RFX4: variants seen among roughly 807,000 people sequenced by gnomAD.
The protein encoded by RFX4 is transcription factor RFX4.
RFX4 carries 10 observed loss-of-function variants against 95.0 expected under a neutral mutation model. That is an observed-to-expected ratio of 0.11 (90% CI 0.06 to 0.18). The LOEUF (loss-of-function observed/expected upper bound fraction) is 0.18, where lower values mean the gene tolerates loss of function less well. RFX4 is among the 10% of genes least tolerant of loss of function. The probability of loss-of-function intolerance (pLI) is 1.00; values close to 1 mark genes in which losing one functional copy is unlikely to be tolerated. For synonymous variants in RFX4, 321 were observed against 340.7 expected, an observed-to-expected ratio of 0.94 and a Z score of 0.64; for missense variants, 640 against 922.0, an observed-to-expected ratio of 0.69 and a Z score of 3.96.
At position 106,707,493 on chromosome 12, in the gene RFX4, A is replaced by G. The variant is rs2042107963; in HGVS notation, c.834-1837A>G. Among the ~76,000 whole-genome samples, 3 of 152,104 alleles carry G rather than the reference A, an allele frequency of 2.0e-5. No homozygotes were observed. In the South Asian group the frequency reaches 6.2e-4, roughly 32 times the overall value. On this transcript the variant is annotated intron_variant, in intron 8 of 17. Transcript: ENST00000392842. ...GGCAGGAGTTTTGTGACTGGGGAGG[A>G]GCAGCAGAAGGAGGGATCACAGAAG...
At chr12:106,709,266 A>C in intron 8 of RFX4, 64 bp from the exon 9 acceptor site, 1 of 1,314,242 alleles carries the variant, frequency 7.6e-7, no homozygotes, top group African/African-American at 1.5e-5. Flanking sequence ...AAAACCCTCT[A>C]GGGGCCTGTG....
intron 4 of RFX4, among the ~76,000 whole-genome samples, chr12:106,670,456 C>T (rs900478595): frequency 6.6e-6 from 1 of 152,176 alleles, no homozygotes; most frequent in African/African-American, 2.4e-5. Flanking sequence ...TATTGCCATC[C>T]GTGGTACCCC....
chr12:106,699,921 C>T (rs910697811), intron 8 of RFX4, among the ~76,000 whole-genome samples: 1 of 151,920 alleles, frequency 6.6e-6, no homozygotes, highest in Admixed American at 6.6e-5. Context: ...CTTCCCTCTT[C>T]CTAGTTGTTT....
chr12:106,691,048 A>C (rs117873558), intron 7 of RFX4, among the ~76,000 whole-genome samples: 1 of 152,340 alleles, frequency 6.6e-6, no homozygotes, highest in Non-Finnish European at 1.5e-5. Flanking sequence ...AGCAACTAGG[A>C]TGCAGAATAT....
chr12:106,753,485 G>A (rs1320755167), intron 17 of RFX4, among the ~76,000 whole-genome samples: 1 of 152,048 alleles, frequency 6.6e-6, no homozygotes, highest in East Asian at 1.9e-4. Flanking sequence ...TGTCTGACGC[G>A]CACGGAGACC....
chr12:106,667,475 G>T (rs368945910), intron 4 of RFX4, among the ~76,000 whole-genome samples: 2 of 152,186 alleles, frequency 1.3e-5, no homozygotes, highest in African/African-American at 2.4e-5. Context: ...GTGGGAACCT[G>T]GTCAAGCTCC....
chr12:106,746,117 G>T (rs2042888698), intron 15 of RFX4, among the ~76,000 whole-genome samples: 1 of 152,038 alleles, frequency 6.6e-6, no homozygotes, highest in Non-Finnish European at 1.5e-5. Flanking sequence ...CAGTACTTTG[G>T]GAGGCAAAGG....
chr12:106,693,344 A>G (rs1819772006), intron 7 of RFX4, among the ~76,000 whole-genome samples: 1 of 152,208 alleles, frequency 6.6e-6, no homozygotes, highest in African/African-American at 2.4e-5. Context: ...ACAGGCTTCA[A>G]ACAGACAGAT....
At position 106,617,709 on chromosome 12, in the gene RFX4, T is replaced by A. The variant is rs1046052688; in HGVS notation, c.130+8826T>A. Among the ~76,000 whole-genome samples the A allele has an allele frequency of 1.2e-4, 18 of 152,284 alleles. No homozygotes were observed. The Middle Eastern group carries it at 0.014, about 115-fold the overall frequency. The stretch of plus-strand genomic sequence containing the variant: ...TTGAAAAGAATGTATATTTTGCATT[T>A]TGAATGTACATTTTGGGTTTGTTGT... On this transcript the variant is annotated intron_variant, in intron 2 of 17. Coordinates refer to ENST00000392842, the MANE Select transcript of RFX4 (RefSeq NM_213594.3).
intron 4 of RFX4, among the ~76,000 whole-genome samples, chr12:106,666,961 G>A (rs2041189188): frequency 6.6e-6 from 1 of 151,916 alleles, no homozygotes. Context: ...TTCTTTCTTG[G>A]TGGCCGAACA....
Position 106,720,619 on chromosome 12 carries a change from T to C in RFX4, c.1234-140T>C. On this transcript the variant is annotated intron_variant, in intron 12 of 17. Coordinates refer to ENST00000392842, the MANE Select transcript of RFX4 (RefSeq NM_213594.3). The surrounding 1 kb of genome is among the most constrained non-coding windows in gnomAD (Gnocchi z 4.2). ...GGCTGGTCTCAAACTCCTAGGCTCA[T>C]GCGATCATCCGCCCACCTTGGCCTC... is the stretch of plus-strand genomic sequence containing the variant. The C allele has an allele frequency of 1.4e-6, 1 of 739,738 alleles. No homozygotes were observed. Among genetic ancestry groups the C allele is most frequent in the South Asian group, 1.6e-5 (1 of 61,242 alleles). The allele number at this position is 739,738 out of a possible 1,614,324, so 45.8% of individuals were successfully genotyped here.
chr12:106,638,239 C>T (rs886864937), intron 2 of RFX4, among the ~76,000 whole-genome samples: 2 of 152,158 alleles, frequency 1.3e-5, no homozygotes, highest in Non-Finnish European at 2.9e-5. Context: ...AACTCCTGAC[C>T]TCAAGTGATC....
chr12:106,750,594 G>A, intron 16 of RFX4, 61 bp from the exon 17 acceptor site: 1 of 1,344,260 alleles, frequency 7.4e-7, no homozygotes, highest in Non-Finnish European at 9.7e-7. Context: ...TTTTAAAAAG[G>A]TGTCAAACTG....
Position 106,731,776 on chromosome 12 carries a change from G to A in RFX4, c.1352-354G>A, listed in dbSNP as rs189675314. On this transcript the variant is annotated intron_variant, in intron 13 of 17. Transcript: ENST00000392842. The stretch of plus-strand genomic sequence containing the variant: ...AATGAGAGACACTATGTTAATAAAT[G>A]CCGAAGAGAGTGAGCGGTGCTCACA... 2.2e-3 allele frequency among the ~76,000 whole-genome samples: 334 copies of A among 152,324 alleles called. 3 individuals are homozygous for A. The highest frequency in any genetic ancestry group is 7.6e-3 in the African/African-American group (315 of 41,568).
intron 2 of RFX4, among the ~76,000 whole-genome samples, chr12:106,612,635 C>T (rs555255611): frequency 1.3e-5 from 2 of 152,158 alleles, no homozygotes; most frequent in Admixed American, 6.5e-5. Flanking sequence ...GTCAGGAGTT[C>T]GAAACCAGCC....
rs201207625 is a variant in RFX4 at position 106,687,062 on chromosome 12, G to T, written c.556G>T (p.Asp186Tyr). The change falls in exon 6 of 18, where the codon GAT becomes TAT. Residue 186 changes from aspartate (D) to tyrosine (Y), a missense_variant. Coordinates refer to ENST00000392842, the MANE Select transcript of RFX4 (RefSeq NM_213594.3). Reference protein sequence around the residue: ...TLLPEFPNVKDLNLPASLPEE... With the variant: ...TLLPEFPNVKYLNLPASLPEE... ...GCTGCCAGAATTTCCCAATGTCAAAGATCTAAATCTGCCAGCCAGCCTGCC... is the reference window on the plus strand; with the variant it reads ...GCTGCCAGAATTTCCCAATGTCAAATATCTAAATCTGCCAGCCAGCCTGCC... 1 of 1,613,864 alleles carries T rather than the reference G, an allele frequency of 6.2e-7. No homozygotes were observed. Among genetic ancestry groups the T allele is most frequent in the South Asian group, 1.1e-5 (1 of 91,070 alleles).
intron 1 of RFX4, among the ~76,000 whole-genome samples, chr12:106,590,575 A>G (rs974184264): frequency 1.3e-5 from 2 of 152,176 alleles, no homozygotes; most frequent in Admixed American, 6.5e-5. Flanking sequence ...AACTTTCCTG[A>G]GGCAGAATGC....
Position 106,583,358 on chromosome 12 carries a change from C to T in RFX4, c.38C>T (p.Ser13Phe), listed in dbSNP as rs2039401171. 1 of 1,584,468 alleles carries T rather than the reference C, an allele frequency of 6.3e-7. No homozygotes were observed. Among genetic ancestry groups the T allele is most frequent in the Admixed American group, 1.9e-5 (1 of 54,014 alleles). Residue 13 changes from serine (S) to phenylalanine (F), a missense_variant, in exon 1 of 18, where the codon TCC becomes TTC. Physicochemically the swap from Ser to Phe is radical, Grantham distance 155. This residue lies in a region of RFX4 where 63 missense variants were observed against 68.8 expected (regional missense o/e 0.92). Coordinates refer to ENST00000392842, the MANE Select transcript of RFX4 (RefSeq NM_213594.3). ...CGLLEEPDMDSTESWIERCLN... is the reference protein window; with the variant it reads ...CGLLEEPDMDFTESWIERCLN... ...TTACTGGAGGAACCCGACATGGATTCCACAGGTTAGTCCTACTGGCGGGGT... is the reference window on the plus strand; with the variant it reads ...TTACTGGAGGAACCCGACATGGATTTCACAGGTTAGTCCTACTGGCGGGGT...
intron 1 of RFX4, among the ~76,000 whole-genome samples, chr12:106,605,335 A>G (rs1444264533): frequency 6.6e-6 from 1 of 152,170 alleles, no homozygotes; most frequent in Non-Finnish European, 1.5e-5. Context: ...AGTTGACCTA[A>G]ATAGAGGCCT....
Sources: allele counts gnomAD v4.1 joint callset (sites outside exome capture counted in the v4.1 genomes callset), GRCh38; gene constraint gnomAD v4.1.1; regional missense constraint gnomAD v4.1.1; non-coding constraint Gnocchi (gnomAD v3.1); transcripts MANE v1.5; gene names NCBI Gene and HGNC (gene_info 2026-07-23, HGNC 2026-07-21).